Variants in NTM observed in about 807,000 individuals in gnomAD.
The protein encoded by NTM is IgLON family member 2.
A neutral mutation model predicts 42.1 loss-of-function variants in NTM; 13 were observed. The ratio of observed to expected loss-of-function variants is 0.31; its 90% CI spans 0.20 to 0.49. NTM has a LOEUF of 0.49. Ranked by LOEUF, NTM falls within the 20% of genes least tolerant of loss-of-function variation. NTM has a pLI of 0.99. For synonymous variants in NTM, 187 were observed against 179.2 expected (o/e 1.04, Z -0.35); for missense variants, 373 against 452.8 (o/e 0.82, Z 1.60).
At chr11:131,916,106 G>T (rs371505382) in intron 2 of NTM, among the ~76,000 whole-genome samples, 1 of 152,322 alleles carries the variant, frequency 6.6e-6, no homozygotes, top group Middle Eastern at 3.4e-3. Flanking sequence ...GGGCGATCAC[G>T]CTGTCCGTGG....
intron 1 of NTM, among the ~76,000 whole-genome samples, chr11:131,501,239 A>G (rs2046788045): frequency 6.6e-6 from 1 of 152,040 alleles, no homozygotes; most frequent in African/African-American, 2.4e-5. Flanking sequence ...TCTGTCAAAG[A>G]GTGGTGAGTG....
At chr11:131,605,869 C>T in intron 1 of NTM, 1 of 983,512 alleles carries the variant, frequency 1.0e-6, no homozygotes, top group Non-Finnish European at 1.2e-6. Context: ...TCACCTGAGG[C>T]AGCTTCACCA....
intron 2 of NTM, among the ~76,000 whole-genome samples, chr11:131,936,558 TG>T (rs2059238826): frequency 6.6e-6 from 1 of 152,330 alleles, no homozygotes; most frequent in African/African-American, 2.4e-5. Context: ...ACTTGAGTGA[TG>T]GGTGCATGAA....
chr11:132,057,750 A>G (rs1164892789), intron 2 of NTM, among the ~76,000 whole-genome samples: 1 of 152,226 alleles, frequency 6.6e-6, no homozygotes, highest in Non-Finnish European at 1.5e-5. Flanking sequence ...AAGTGGGCCT[A>G]GACTCCGCGT....
intron 3 of NTM, among the ~76,000 whole-genome samples, chr11:132,209,087 ACT>A (rs1215395093): frequency 2.0e-5 from 3 of 151,984 alleles, no homozygotes; most frequent in African/African-American, 7.2e-5. Context: ...TCTAGTTAAA[ACT>A]CTGAATAAAA....
intron 2 of NTM, among the ~76,000 whole-genome samples, chr11:131,912,130 C>T (rs2055224906): frequency 6.6e-6 from 1 of 152,212 alleles, no homozygotes; most frequent in Non-Finnish European, 1.5e-5. Context: ...AGAGCCGCTG[C>T]TTTGTCCTGG....
intron 1 of NTM, among the ~76,000 whole-genome samples, chr11:131,740,824 A>C (rs78632828): frequency 6.6e-6 from 1 of 152,328 alleles, no homozygotes; most frequent in East Asian, 1.9e-4. Flanking sequence ...GCACAGTGTA[A>C]TGGTCACAAT....
At chr11:131,600,470 G>A (rs992922439) in intron 1 of NTM, among the ~76,000 whole-genome samples, 1 of 152,116 alleles carries the variant, frequency 6.6e-6, no homozygotes, top group African/African-American at 2.4e-5. Flanking sequence ...ATTCCATTTA[G>A]CAGCAATGGG....
chr11:132,068,315 C>T (rs996245875), intron 2 of NTM, among the ~76,000 whole-genome samples: 2 of 152,202 alleles, frequency 1.3e-5, no homozygotes, highest in Non-Finnish European at 2.9e-5. Flanking sequence ...AACCAGGCTG[C>T]ACCTTGAGTA....
At chr11:131,682,454 T>C (rs936775619) in intron 1 of NTM, among the ~76,000 whole-genome samples, 3 of 152,178 alleles carry the variant, frequency 2.0e-5, no homozygotes, top group South Asian at 4.1e-4. Flanking sequence ...CAGGGAGTCC[T>C]GGGAGGCTGA....
At position 131,709,634 on chromosome 11, in the gene NTM, A is replaced by G. The variant is rs114987709; in HGVS notation, c.83-201930A>G. Among the ~76,000 whole-genome samples the G allele has an allele frequency of 8.9e-3, 1,358 of 152,312 alleles. 24 individuals carry two copies. Among genetic ancestry groups the G allele is most frequent in the African/African-American group, 0.027 (1,109 of 41,572 alleles). On this transcript the variant is annotated intron_variant, in intron 1 of 8. Transcript: ENST00000683400. ...ACCAGCAGTCATTTCTGGACATGTT[A>G]ACTTCAAGATGTCTGCTAGCCTTGT... is the stretch of plus-strand genomic sequence containing the variant.
intron 1 of NTM, among the ~76,000 whole-genome samples, chr11:131,617,046 G>A (rs898424262): frequency 3.3e-5 from 5 of 152,134 alleles, no homozygotes; most frequent in African/African-American, 7.2e-5. Context: ...GGGGGACACT[G>A]CATTTTGTCA....
At chr11:131,604,896 CT>C (rs2060808195) in intron 1 of NTM, among the ~76,000 whole-genome samples, 1 of 150,364 alleles carries the variant, frequency 6.7e-6, no homozygotes, top group Admixed American at 6.6e-5. Context: ...TTTTTCTGGA[CT>C]CTATTCTATT....
chr11:131,750,722 C>T (rs12790959), intron 1 of NTM, among the ~76,000 whole-genome samples: 30,463 of 152,206 alleles, frequency 0.2, 4,532 homozygotes, highest in African/African-American at 0.42. Context: ...CTGCCATCAT[C>T]TCAGTCACTC....
At chr11:132,213,209 G>A (rs969538367) in intron 4 of NTM, among the ~76,000 whole-genome samples, 1 of 152,142 alleles carries the variant, frequency 6.6e-6, no homozygotes, top group Non-Finnish European at 1.5e-5. Flanking sequence ...TGGCATGAAA[G>A]ACGCATATTA....
Position 131,676,903 on chromosome 11 carries a change from C to T in NTM, c.83-234661C>T, listed in dbSNP as rs138925281. 2.4e-3 allele frequency among the ~76,000 whole-genome samples: 363 copies of T among 152,332 alleles called. 1 individual carries two copies. Among genetic ancestry groups the T allele is most frequent in the African/African-American group, 6.2e-3 (258 of 41,568 alleles). On this transcript the variant is annotated intron_variant, in intron 1 of 8. Transcript: ENST00000683400. ...GTCCGTTATTACAGTCGCCTCACGA[C>T]GGACCTGTCCACTTAGCTGCGTTCT...
intron 2 of NTM, among the ~76,000 whole-genome samples, chr11:131,926,515 C>G (rs147574240): frequency 6.6e-6 from 1 of 151,724 alleles, no homozygotes; most frequent in Non-Finnish European, 1.5e-5. Flanking sequence ...TAGTCAAAGA[C>G]GAGCAAGGCA....
At chr11:131,474,158 G>C (rs1420424614) in intron 1 of NTM, among the ~76,000 whole-genome samples, 2 of 152,054 alleles carry the variant, frequency 1.3e-5, no homozygotes, top group Non-Finnish European at 2.9e-5. Context: ...ATGACCTCCT[G>C]TCCAGCAAAA....
intron 2 of NTM, among the ~76,000 whole-genome samples, chr11:132,033,603 G>A (rs1344011176): frequency 2.6e-5 from 4 of 152,148 alleles, no homozygotes; most frequent in Admixed American, 1.3e-4. Flanking sequence ...GGAATTGCTC[G>A]TTGCTCCCCC....
Sources: gnomAD v4.1 joint callset for allele counts (sites outside exome capture counted in the v4.1 genomes callset) on GRCh38, gnomAD v4.1.1 for gene constraint, MANE v1.5 for transcripts, NCBI Gene and HGNC (gene_info 2026-07-23, HGNC 2026-07-21) for gene names.